Variants in TET3 observed in about 807,000 individuals in gnomAD.
TET3 encodes the protein tet methylcytosine dioxygenase 3.
TET3 carries 19 observed loss-of-function variants against 141.4 expected under a neutral mutation model. The ratio of observed to expected loss-of-function variants is 0.13; its 90% confidence interval spans 0.09 to 0.20. The LOEUF is 0.20. Ranked by LOEUF, TET3 falls within the 10% of genes least tolerant of loss-of-function variation. The probability of loss-of-function intolerance (pLI) is 1.00; values close to 1 mark genes in which losing one functional copy is unlikely to be tolerated. For missense variants in TET3, 1,874 were observed against 2,356.9 expected, an observed-to-expected ratio of 0.80 and a Z score of 4.24; for synonymous variants, 1,043 against 980.9, an observed-to-expected ratio of 1.06 and a Z score of -1.18.
chr2:74,094,234 G>A (rs1417908641), intron 10 of TET3, among the ~76,000 whole-genome samples: 1 of 152,218 alleles, frequency 6.6e-6, no homozygotes, highest in African/African-American at 2.4e-5. Flanking sequence ...AATGGCGCAA[G>A]AGAGTGAGAG....
intron 7 of TET3, among the ~76,000 whole-genome samples, chr2:74,089,108 A>G (rs1402458018): frequency 6.7e-6 from 1 of 148,642 alleles, no homozygotes; most frequent in African/African-American, 2.5e-5. Flanking sequence ...AAAAAAAGAC[A>G]TAGAACAGTT....
intron 2 of TET3, 109 bp downstream of exon 2, chr2:73,986,815 A>T (rs1199319728): frequency 2.1e-5 from 22 of 1,049,256 alleles, no homozygotes; most frequent in Non-Finnish European, 2.6e-5. Flanking sequence ...CTCATTTCTG[A>T]TCCTCTTGGT....
the TET3 span, among the ~76,000 whole-genome samples, chr2:74,117,014 G>T: frequency 2.0e-5 from 3 of 152,138 alleles, no homozygotes; most frequent in Non-Finnish European, 2.9e-5. Flanking sequence ...GCAAGGGAGA[G>T]GGGAGCGGGG....
At chr2:74,124,296 G>A in the TET3 span, among the ~76,000 whole-genome samples, 16 of 147,772 alleles carry the variant, frequency 1.1e-4, no homozygotes, top group Middle Eastern at 3.9e-3. Flanking sequence ...CAGCCACCCC[G>A]TCTGGGAGGG....
intron 3 of TET3, among the ~76,000 whole-genome samples, chr2:74,038,276 T>C (rs1442833629): frequency 6.6e-6 from 1 of 152,198 alleles, no homozygotes. Flanking sequence ...TTCTTGGATC[T>C]GAGAAGGGCA....
intron 3 of TET3, among the ~76,000 whole-genome samples, chr2:74,009,534 G>T (rs1337839156): frequency 6.6e-6 from 1 of 152,212 alleles, no homozygotes; most frequent in Non-Finnish European, 1.5e-5. Context: ...AGTTCTAGGG[G>T]AGGAATACAG....
chr2:74,025,459 T>C (rs1433159638), intron 3 of TET3, among the ~76,000 whole-genome samples: 1 of 151,674 alleles, frequency 6.6e-6, no homozygotes, highest in East Asian at 2.0e-4. Context: ...GGCTAATTTT[T>C]TGTATTTTCA....
chr2:74,063,995 C>A (rs1383015972), intron 4 of TET3, among the ~76,000 whole-genome samples: 7 of 151,936 alleles, frequency 4.6e-5, no homozygotes, highest in African/African-American at 1.7e-4. Context: ...TGATTACTTT[C>A]TAAGTAAGAA....
chr2:74,022,095 T>C (rs4853004), intron 3 of TET3, among the ~76,000 whole-genome samples: 274 of 1,458 alleles, frequency 0.19, 1 homozygote, highest in Non-Finnish European at 0.35. Flanking sequence ...TCTAGGACAC[T>C]TTTTTTTTTT....
rs144567642 is a variant in TET3 at position 74,078,900 on chromosome 2, A to G, written c.2586-1598A>G. On this transcript the variant is annotated intron_variant, in intron 5 of 11. Transcript: ENST00000409262. ...TATTTTATAAAAATAATTCTTGATTAAAAATCCTTAGGACAGGAGACTCTT... is the reference window on the plus strand; with the variant it reads ...TATTTTATAAAAATAATTCTTGATTGAAAATCCTTAGGACAGGAGACTCTT... Among the ~76,000 whole-genome samples, 73 of 152,382 alleles carry G rather than the reference A, an allele frequency of 4.8e-4. 1 individual carries two copies. The East Asian group carries it at 0.012, about 25-fold the overall frequency.
In TET3 at chr2:74,105,631, C is replaced by T. The variant is rs759751398; in HGVS notation, c.*3455C>T. Reference sequence around the variant, plus strand: ...GAAAGAGATGATACCCCACCGCCCCCTCTTGGTCCTTCCACCAGCCTCTTT... The same window carrying T: ...GAAAGAGATGATACCCCACCGCCCCTTCTTGGTCCTTCCACCAGCCTCTTT... On this transcript the variant is annotated 3_prime_UTR_variant, in exon 12 of 12. Transcript: ENST00000409262. 1.1e-5 allele frequency: 4 copies of T among 370,938 alleles called. No individual in the cohort carries two copies. Among genetic ancestry groups the T allele is most frequent in the Non-Finnish European group, 1.9e-5 (4 of 208,364 alleles). 23.0% of individuals were successfully genotyped at this position (370,938 alleles called of 1,614,324 possible). A position where few individuals can be genotyped will look rare whatever the true frequency, so the allele number is the denominator to read the frequency against.
At chr2:74,094,592 A>AAGAGG (rs1490915550) in intron 10 of TET3, among the ~76,000 whole-genome samples, 2 of 152,098 alleles carry the variant, frequency 1.3e-5, no homozygotes, top group East Asian at 3.9e-4. Context: ...GGGAGGGAAT[A>AAGAGG]AGAGGAAGGA....
Position 74,101,254 on chromosome 2 carries a change from A to G in TET3, c.4466A>G (p.Gln1489Arg), listed in dbSNP as rs1246465067. 2.5e-6 allele frequency: 4 copies of G among 1,612,762 alleles called. No individual in the cohort carries two copies. The East Asian group carries it at 8.9e-5, about 36-fold the overall frequency. The change falls in exon 12 of 12, where the codon CAG (glutamine) becomes CGG (arginine). Residue 1489 changes from glutamine (Q) to arginine (R), a missense_variant. Around this residue, in one of 10 missense-constraint regions of TET3, gnomAD observed 602 missense variants for 590.2 expected, o/e 1.02. Transcript: ENST00000409262. This position sits in a 1 kb window ranked among gnomAD's most constrained non-coding sequence, Gnocchi z 8.5. ...CLAPSHFTDG[Q>R]WGLFPGEGQQ... is the part of the protein sequence containing the mutation. Reference sequence around the variant, plus strand: ...GCCCCTTCCCACTTCACAGATGGCCAGTGGGGGCTGTTCCCCGGTGAGGGG... The same window carrying G: ...GCCCCTTCCCACTTCACAGATGGCCGGTGGGGGCTGTTCCCCGGTGAGGGG...
At chr2:74,004,086 C>T (rs1685018791) in intron 3 of TET3, among the ~76,000 whole-genome samples, 1 of 152,116 alleles carries the variant, frequency 6.6e-6, no homozygotes. Context: ...CTCTGTGTGG[C>T]TGCCTCTGAA....
chr2:74,016,297 T>A (rs2105218246), intron 3 of TET3, among the ~76,000 whole-genome samples: 1 of 151,306 alleles, frequency 6.6e-6, no homozygotes, highest in South Asian at 2.1e-4. Context: ...AGCAAGACCC[T>A]GTCTCTTTAA....
chr2:74,038,250 T>G (rs1687170139), intron 3 of TET3, among the ~76,000 whole-genome samples: 1 of 152,182 alleles, frequency 6.6e-6, no homozygotes, highest in Non-Finnish European at 1.5e-5. Context: ...TGGAGTGTAG[T>G]GAAGAGTTAT....
At chr2:74,124,399 G>T in the TET3 span, among the ~76,000 whole-genome samples, 1 of 151,838 alleles carries the variant, frequency 6.6e-6, no homozygotes, top group Admixed American at 6.6e-5. Context: ...GAGGTGGGGG[G>T]CGCCTCTGCC....
chr2:74,011,876 C>CA (rs1685452582), intron 3 of TET3, among the ~76,000 whole-genome samples: 1 of 148,700 alleles, frequency 6.7e-6, no homozygotes. Context: ...TCATCTCTAC[C>CA]AAAAGGAAAA....
chr2:74,003,197 C>CGTGT, intron 3 of TET3, 31 bp downstream of exon 3: 1 of 1,361,648 alleles, frequency 7.3e-7, no homozygotes, highest in Non-Finnish European at 1.0e-6. Context: ...CGTGTGTGTG[C>CGTGT]GTGTGTGTGG....
Sources: allele counts gnomAD v4.1 joint callset (sites outside exome capture counted in the v4.1 genomes callset), GRCh38; gene constraint gnomAD v4.1.1; regional missense constraint gnomAD v4.1.1; non-coding constraint Gnocchi (gnomAD v3.1); transcripts MANE v1.5; gene names NCBI Gene and HGNC (gene_info 2026-07-23, HGNC 2026-07-21).